The following DCDC2 variants were observed in gnomAD, a reference collection of about 807,000 sequenced individuals.
The protein encoded by DCDC2 is doublecortin domain-containing protein 2.
DCDC2 carries 40 observed loss-of-function variants against 50.2 expected under a neutral mutation model. The ratio of observed to expected loss-of-function variants is 0.80; its 90% CI spans 0.62 to 1.04. The LOEUF is 1.04. Among genes scored for constraint, DCDC2 ranks in the 50% least tolerant of loss-of-function variants. The pLI is 0.00. For synonymous variants in DCDC2, 234 were observed against 210.6 expected (o/e 1.11, Z -0.96); for missense variants, 570 against 581.9 (o/e 0.98, Z 0.21).
chr6:24,246,473 CTTTTTCTTTT>C (rs1762674440), intron 7 of DCDC2, among the ~76,000 whole-genome samples: 1 of 62,230 alleles, frequency 1.6e-5, no homozygotes, highest in Non-Finnish European at 3.4e-5. Context: ...AAGTCTTTTT[CTTTTTCTTTT>C]TTTTTTTTTT....
At chr6:24,190,024 T>C (rs1309832731) in intron 8 of DCDC2, among the ~76,000 whole-genome samples, 2 of 150,428 alleles carry the variant, frequency 1.3e-5, no homozygotes, top group African/African-American at 4.9e-5. Context: ...TTTTTTATGA[T>C]GGCAAAGTAC....
At chr6:24,193,809 T>C (rs1308197672) in intron 8 of DCDC2, among the ~76,000 whole-genome samples, 1 of 151,994 alleles carries the variant, frequency 6.6e-6, no homozygotes, top group Non-Finnish European at 1.5e-5. Flanking sequence ...AAAATCTAAA[T>C]AATCATCTTC....
intron 7 of DCDC2, among the ~76,000 whole-genome samples, chr6:24,209,433 A>T (rs775212998): frequency 7.9e-5 from 12 of 152,150 alleles, no homozygotes; most frequent in Non-Finnish European, 7.3e-5. Context: ...ACTAGGGCTG[A>T]GGTGTTTTGT....
chr6:24,301,917 A>C, intron 3 of DCDC2, 51 bp downstream of exon 3: 1 of 1,612,110 alleles, frequency 6.2e-7, no homozygotes, highest in South Asian at 1.1e-5. Flanking sequence ...CCAAACCAAA[A>C]GGAAACCACC....
chr6:24,199,868 C>T (rs891739284), intron 8 of DCDC2, among the ~76,000 whole-genome samples: 6 of 152,018 alleles, frequency 3.9e-5, no homozygotes, highest in South Asian at 2.1e-4. Context: ...GTGAAACATA[C>T]GCAAGTATCA....
At chr6:24,334,174 T>C (rs1020227126) in intron 2 of DCDC2, among the ~76,000 whole-genome samples, 2 of 152,208 alleles carry the variant, frequency 1.3e-5, no homozygotes, top group Non-Finnish European at 1.5e-5. Flanking sequence ...GGAACTAACA[T>C]TGGACAAAGT....
At chr6:24,264,035 T>C (rs1452789929) in intron 7 of DCDC2, among the ~76,000 whole-genome samples, 1 of 152,184 alleles carries the variant, frequency 6.6e-6, no homozygotes, top group Non-Finnish European at 1.5e-5. Flanking sequence ...ATACATCTGG[T>C]AGCAGATTTC....
chr6:24,203,287 T>C (rs75760816), intron 8 of DCDC2, among the ~76,000 whole-genome samples: 1 of 152,036 alleles, frequency 6.6e-6, no homozygotes, highest in African/African-American at 2.4e-5. Flanking sequence ...CCAAAACAGA[T>C]ATATAGACCA....
chr6:24,280,326 C>T (rs1340246250), intron 6 of DCDC2, among the ~76,000 whole-genome samples: 1 of 151,088 alleles, frequency 6.6e-6, no homozygotes, highest in African/African-American at 2.4e-5. Flanking sequence ...GCAATTTAAA[C>T]ATACAGTTTC....
chr6:24,202,567 T>C (rs562014614), intron 8 of DCDC2, among the ~76,000 whole-genome samples: 1 of 152,180 alleles, frequency 6.6e-6, no homozygotes, highest in Non-Finnish European at 1.5e-5. Flanking sequence ...CTTTGAAAAC[T>C]GGCACAGATC....
chr6:24,237,771 A>T (rs1051395134), intron 7 of DCDC2, among the ~76,000 whole-genome samples: 3 of 152,166 alleles, frequency 2.0e-5, no homozygotes, highest in Admixed American at 6.5e-5. Flanking sequence ...CCTCTGCAGC[A>T]ACATGGATGG....
At chr6:24,257,493 C>T (rs2113803370) in intron 7 of DCDC2, among the ~76,000 whole-genome samples, 1 of 152,238 alleles carries the variant, frequency 6.6e-6, no homozygotes, top group South Asian at 2.1e-4. Flanking sequence ...TTGTGTCCCA[C>T]TAGGAGGCAG....
chr6:24,218,320 C>G (rs1279700357), intron 7 of DCDC2, among the ~76,000 whole-genome samples: 4 of 152,130 alleles, frequency 2.6e-5, no homozygotes, highest in Admixed American at 1.3e-4. Context: ...AACCAGCCAG[C>G]ATTTTTTTCA....
At chr6:24,375,419 T>TC in the DCDC2 span, among the ~76,000 whole-genome samples, 122 of 150,140 alleles carry the variant, frequency 8.1e-4, no homozygotes, top group African/African-American at 2.1e-3. Context: ...CTGTGTAAAC[T>TC]CCCCCCCCCA....
the DCDC2 span, among the ~76,000 whole-genome samples, chr6:24,364,266 T>G: frequency 6.6e-6 from 1 of 152,184 alleles, no homozygotes; most frequent in South Asian, 2.1e-4. Flanking sequence ...TTTTAAATGT[T>G]TATTTATTTT....
At chr6:24,355,845 A>G (rs2127256515) in intron 1 of DCDC2, among the ~76,000 whole-genome samples, 1 of 152,326 alleles carries the variant, frequency 6.6e-6, no homozygotes, top group African/African-American at 2.4e-5. Flanking sequence ...GAAGGATTAC[A>G]TTCAAGAATT....
Position 24,300,165 on chromosome 6 carries a change from G to A in DCDC2, c.557+1550C>T, listed in dbSNP as rs368500068. Among the ~76,000 whole-genome samples the A allele has an allele frequency of 1.8e-4, 27 of 152,040 alleles. No homozygotes were observed. The East Asian group carries it at 3.3e-3, about 19-fold the overall frequency. ...AGCACTTTGGGAGGCCAAGGCGGGC[G>A]GATTGCTTGACCCCAGGAGTTCAAG... On this transcript the variant is annotated intron_variant, in intron 4 of 9. Coordinates refer to ENST00000378454, the MANE Select transcript of DCDC2 (RefSeq NM_016356.5).
the DCDC2 span, among the ~76,000 whole-genome samples, chr6:24,369,508 G>C: frequency 6.6e-6 from 1 of 151,932 alleles, no homozygotes; most frequent in Non-Finnish European, 1.5e-5. Context: ...TACTCAGGAG[G>C]CTGAGGCAAG....
At chr6:24,284,701 C>T (rs1454823410) in intron 6 of DCDC2, among the ~76,000 whole-genome samples, 6 of 151,818 alleles carry the variant, frequency 4.0e-5, no homozygotes, top group Non-Finnish European at 8.8e-5. Flanking sequence ...AAATAAAATC[C>T]AAACTCTTTG....
Sources: gnomAD v4.1 joint callset for allele counts (sites outside exome capture counted in the v4.1 genomes callset) on GRCh38, gnomAD v4.1.1 for gene constraint, MANE v1.5 for transcripts, NCBI Gene and HGNC (gene_info 2026-07-23, HGNC 2026-07-21) for gene names.